The following RNF217 variants were observed in gnomAD, a reference collection of about 807,000 sequenced individuals.
The protein encoded by RNF217 is ring finger protein 217.
Under a neutral mutation model 57.8 loss-of-function variants are expected in RNF217, and 31 were observed. That is an observed-to-expected ratio of 0.54 (90% CI 0.40 to 0.72). The LOEUF is 0.72. Among genes scored for constraint, RNF217 ranks in the 30% least tolerant of loss-of-function variants. RNF217 has a pLI of 0.00. For synonymous variants in RNF217, 313 were observed against 294.0 expected, an observed-to-expected ratio of 1.06 and a Z score of -0.66; for missense variants, 696 against 708.3, an observed-to-expected ratio of 0.98 and a Z score of 0.20.
intron 1 of RNF217, among the ~76,000 whole-genome samples, chr6:124,977,554 A>G (rs1784012050): frequency 6.6e-6 from 1 of 152,216 alleles, no homozygotes; most frequent in South Asian, 2.1e-4. Flanking sequence ...TCATGGGAGC[A>G]TTTAGATTGC....
chr6:125,003,517 G>A (rs1437625236), intron 1 of RNF217, among the ~76,000 whole-genome samples: 1 of 152,124 alleles, frequency 6.6e-6, no homozygotes, highest in Non-Finnish European at 1.5e-5. Flanking sequence ...ATGATTGTAG[G>A]AATAAACTTT....
Position 125,057,933 on chromosome 6 carries a change from C to T in RNF217, c.1117-9C>T. Reference sequence around the variant, plus strand: ...CACTAGTAATTAATATGATTTTTTTCTTACACAGATCCAGTGCCCTACCTG... The same window carrying T: ...CACTAGTAATTAATATGATTTTTTTTTTACACAGATCCAGTGCCCTACCTG... On this transcript the variant is annotated splice_polypyrimidine_tract_variant and intron_variant, in intron 2 of 5. Coordinates refer to ENST00000521654, the MANE Select transcript of RNF217 (RefSeq NM_001286398.3). 1 of 1,588,986 alleles carries T rather than the reference C, an allele frequency of 6.3e-7. No homozygotes were observed. Among genetic ancestry groups the T allele is most frequent in the Admixed American group, 1.8e-5 (1 of 56,664 alleles).
chr6:125,076,237 C>T (rs1007934237), intron 3 of RNF217, among the ~76,000 whole-genome samples: 1 of 152,144 alleles, frequency 6.6e-6, no homozygotes, highest in Non-Finnish European at 1.5e-5. Flanking sequence ...TTTATGTAAT[C>T]CTTTCTTTTA....
chr6:125,080,885 T>G (rs759905053), intron 4 of RNF217, among the ~76,000 whole-genome samples: 2 of 152,144 alleles, frequency 1.3e-5, no homozygotes, highest in African/African-American at 2.4e-5. Flanking sequence ...CATAGTTTTC[T>G]CTAACATCTT....
chr6:124,971,643 A>T (rs1783765781), intron 1 of RNF217: 1 of 176,652 alleles, frequency 5.7e-6, no homozygotes, highest in Non-Finnish European at 1.2e-5. Flanking sequence ...TTTAGTAGAG[A>T]TGGGGTTTCA....
chr6:124,974,299 T>C (rs1783875408), intron 1 of RNF217, among the ~76,000 whole-genome samples: 1 of 152,218 alleles, frequency 6.6e-6, no homozygotes, highest in African/African-American at 2.4e-5. Flanking sequence ...CGAGCCTGAA[T>C]TTTAATTTTT....
chr6:124,989,908 C>G (rs1273102415), intron 1 of RNF217, among the ~76,000 whole-genome samples: 1 of 151,410 alleles, frequency 6.6e-6, no homozygotes, highest in Non-Finnish European at 1.5e-5. Context: ...CAAAACCCCC[C>G]TTGTAGGGCT....
chr6:124,973,606 G>A (rs1012414113), intron 1 of RNF217, among the ~76,000 whole-genome samples: 29 of 152,152 alleles, frequency 1.9e-4, no homozygotes, highest in African/African-American at 5.6e-4. Context: ...TATTTGAATC[G>A]GAACTTTTGA....
intron 3 of RNF217, among the ~76,000 whole-genome samples, chr6:125,074,298 TA>T (rs1788269118): frequency 1.2e-4 from 2 of 16,458 alleles, no homozygotes; most frequent in Admixed American, 1.6e-3. Context: ...AGAAGATAGG[TA>T]GATAGATAGA....
chr6:125,006,251 C>T (rs1363259142), intron 1 of RNF217: 2 of 152,086 alleles, frequency 1.3e-5, no homozygotes, highest in South Asian at 4.1e-4. Context: ...ACTTTTGACT[C>T]GAGTTTCCAA....
Position 124,963,218 on chromosome 6 carries a change from T to C in RNF217, c.674T>C (p.Leu225Pro). ...SLSPDGGSIE[L>P]EFYLAPEPFS... ...TCCCCCGACGGCGGCAGCATCGAGCTGGAGTTCTACCTGGCGCCCGAGCCG... is the reference window on the plus strand; with the variant it reads ...TCCCCCGACGGCGGCAGCATCGAGCCGGAGTTCTACCTGGCGCCCGAGCCG... The change falls in exon 1 of 6, where the codon CTG (leucine) becomes CCG (proline). Residue 225 changes from leucine to proline, a missense_variant. Transcript: ENST00000521654. The C allele has an allele frequency of 6.5e-7, 1 of 1,536,078 alleles. No homozygotes were observed. The highest frequency in any genetic ancestry group is 8.7e-7 in the Non-Finnish European group (1 of 1,146,902).
chr6:125,008,022 C>T (rs972768439), intron 1 of RNF217, among the ~76,000 whole-genome samples: 4 of 151,946 alleles, frequency 2.6e-5, no homozygotes, highest in South Asian at 4.2e-4. Flanking sequence ...TTTGGGAGGC[C>T]GAGGCGGGTG....
intron 1 of RNF217, among the ~76,000 whole-genome samples, chr6:124,968,853 C>T (rs1028059049): frequency 6.6e-6 from 1 of 152,160 alleles, no homozygotes; most frequent in East Asian, 1.9e-4. Flanking sequence ...GTAGGCATAC[C>T]TGAGCGGTAA....
intron 3 of RNF217, among the ~76,000 whole-genome samples, chr6:125,070,536 T>G (rs1368756306): frequency 6.6e-6 from 1 of 152,080 alleles, no homozygotes; most frequent in Non-Finnish European, 1.5e-5. Flanking sequence ...ATTATGGCCA[T>G]TCTTGTAGGA....
At chr6:125,055,848 C>T (rs1247584170) in intron 2 of RNF217, among the ~76,000 whole-genome samples, 1 of 152,036 alleles carries the variant, frequency 6.6e-6, no homozygotes, top group African/African-American at 2.4e-5. Flanking sequence ...TGGAAGTAAA[C>T]ATTTTATATT....
intron 2 of RNF217, among the ~76,000 whole-genome samples, chr6:125,046,017 G>C (rs1045428397): frequency 5.3e-5 from 8 of 152,162 alleles, no homozygotes; most frequent in Admixed American, 5.2e-4. Flanking sequence ...AAAACACAAA[G>C]CTGTGTACAT....
rs1308294980 is a variant in RNF217, at chr6:125,045,227, T to C, written c.899T>C (p.Val300Ala). ...ATCATGCAGGTACAACTTGGCCAAG[T>C]AGAAATCAAATGCCCCATCACAGAG... The part of the protein sequence containing the change: ...YLSAQVQLGQ[V>A]EIKCPITECF... Residue 300 changes from valine (V) to alanine (A), a missense_variant, in exon 2 of 6, where the codon GTA becomes GCA. Transcript: ENST00000521654. 1 of 1,612,400 alleles carries C rather than the reference T, an allele frequency of 6.2e-7. No homozygotes were observed. The highest frequency in any genetic ancestry group is 8.5e-7 in the Non-Finnish European group (1 of 1,179,086).
intron 3 of RNF217, among the ~76,000 whole-genome samples, chr6:125,072,702 A>G (rs1249456052): frequency 6.6e-6 from 1 of 152,226 alleles, no homozygotes; most frequent in East Asian, 1.9e-4. Flanking sequence ...TGAAGGAAGA[A>G]TGGCACAGAA....
At chr6:125,003,460 C>T (rs987445069) in intron 1 of RNF217, among the ~76,000 whole-genome samples, 1 of 152,104 alleles carries the variant, frequency 6.6e-6, no homozygotes, top group African/African-American at 2.4e-5. Context: ...AATAAATACT[C>T]AGAAATTATT....
Sources: allele counts gnomAD v4.1 joint callset (sites outside exome capture counted in the v4.1 genomes callset), GRCh38; gene constraint gnomAD v4.1.1; transcripts MANE v1.5; gene names NCBI Gene and HGNC (gene_info 2026-07-23, HGNC 2026-07-21).